Variants in ROS1 observed in about 807,000 individuals in gnomAD.
ROS1 encodes the protein proto-oncogene tyrosine-protein kinase ROS.
A neutral mutation model predicts 273.5 loss-of-function variants in ROS1; 263 were observed. That is an observed-to-expected ratio of 0.96 (90% CI 0.87 to 1.06). The LOEUF (loss-of-function observed/expected upper bound fraction) is 1.06, where lower values mean the gene tolerates loss of function less well. Ranked by LOEUF, ROS1 falls within the 50% of genes least tolerant of loss-of-function variation. The pLI, the probability that ROS1 is intolerant of heterozygous loss-of-function variation, is 0.00. For synonymous variants in ROS1, 1,008 were observed against 954.1 expected (o/e 1.06, Z -1.04); for missense variants, 2,833 against 2,751.1 (o/e 1.03, Z -0.67).
chr6:117,402,740 T>G (rs1774048059), intron 7 of ROS1, among the ~76,000 whole-genome samples: 1 of 151,656 alleles, frequency 6.6e-6, no homozygotes, highest in South Asian at 2.1e-4. Context: ...ATACAAAAAA[T>G]TAGCCAGGCA....
chr6:117,319,607 G>A (rs1026073274), intron 37 of ROS1, among the ~76,000 whole-genome samples: 1 of 152,232 alleles, frequency 6.6e-6, no homozygotes, highest in Admixed American at 6.5e-5. Flanking sequence ...CATGTTTGAA[G>A]AAAAATGATT....
At chr6:117,357,255 T>C (rs1012080884) in intron 25 of ROS1, among the ~76,000 whole-genome samples, 8 of 152,236 alleles carry the variant, frequency 5.3e-5, no homozygotes, top group Non-Finnish European at 1.2e-4. Flanking sequence ...CCTCCTCTCA[T>C]GTTTGTTTCT....
At chr6:117,376,639 G>A (rs529951588) in intron 18 of ROS1, among the ~76,000 whole-genome samples, 4 of 151,818 alleles carry the variant, frequency 2.6e-5, no homozygotes, top group African/African-American at 9.7e-5. Context: ...TTAGAAAATG[G>A]AATTTTAAAA....
Position 117,344,072 on chromosome 6 carries a change from T to C in ROS1, c.4494A>G (p.Lys1498=), listed in dbSNP as rs763927920. ...VNDRKNSSDL[K]YRILEFQDSI... ...GTTCCAATCTTACCAGAATTCTATATTTCAAGTCAGAGCTGTTTTTCCTGT... is the reference window on the plus strand; with the variant it reads ...GTTCCAATCTTACCAGAATTCTATACTTCAAGTCAGAGCTGTTTTTCCTGT... The change falls in exon 28 of 44, where the codon AAA becomes AAG. Residue 1498 remains lysine (K), a synonymous_variant. Coordinates refer to ENST00000368507, the MANE Select transcript of ROS1 (RefSeq NM_001378902.1). 1 of 1,612,958 alleles carries C rather than the reference T, an allele frequency of 6.2e-7. No homozygotes were observed. The highest frequency in any genetic ancestry group is 8.5e-7 in the Non-Finnish European group (1 of 1,178,988).
At chr6:117,351,203 C>T (rs1184864051) in intron 27 of ROS1, among the ~76,000 whole-genome samples, 3 of 152,096 alleles carry the variant, frequency 2.0e-5, no homozygotes, top group Non-Finnish European at 4.4e-5. Flanking sequence ...CTTTGCTTTT[C>T]GACTGTGAAC....
In ROS1 at chr6:117,414,378, T is replaced by G. The variant is rs898710357; in HGVS notation, c.255+141A>C. ...TGGAATTTTACAGTCATCTGTATAC[T>G]CAGAGTAATAACACTTTGAGGAAGA... On this transcript the variant is annotated intron_variant, in intron 4 of 43. Coordinates refer to ENST00000368507, the MANE Select transcript of ROS1 (RefSeq NM_001378902.1). 42 of 646,268 alleles carry G rather than the reference T, an allele frequency of 6.5e-5. 1 individual carries two copies. In the Admixed American group the frequency reaches 8.0e-4, roughly 12 times the overall value. The allele number at this position is 646,268 out of a possible 1,614,324, so 40.0% of individuals were successfully genotyped here.
chr6:117,323,960 T>C (rs918543710), intron 35 of ROS1, among the ~76,000 whole-genome samples: 1 of 152,174 alleles, frequency 6.6e-6, no homozygotes, highest in Non-Finnish European at 1.5e-5. Flanking sequence ...AATTCTATAC[T>C]TTTTTCTGTA....
intron 38 of ROS1, among the ~76,000 whole-genome samples, chr6:117,317,585 GT>G (rs1776007692): frequency 6.6e-6 from 1 of 152,056 alleles, no homozygotes; most frequent in South Asian, 2.1e-4. Context: ...AAAACATTGG[GT>G]TTTGGGTCAT....
At position 117,344,274 on chromosome 6, in the gene ROS1, A is replaced by G; in HGVS notation, c.4304-12T>C. On this transcript the variant is annotated splice_polypyrimidine_tract_variant and intron_variant, in intron 27 of 43. Coordinates refer to ENST00000368507, the MANE Select transcript of ROS1 (RefSeq NM_001378902.1). ...CAGAAACGCTTTATCTAAAATAAGA[A>G]GAAACCAAAAGATTAAATATCTATA... 6.3e-7 allele frequency: 1 copy of G among 1,589,402 alleles called. No homozygotes were observed.
Position 117,337,272 on chromosome 6 carries a change from G to T in ROS1, c.5130C>A (p.Ile1710=), listed in dbSNP as rs2128617110. The change falls in exon 32 of 44, where the codon ATC becomes ATA. Residue 1710 remains isoleucine (I), a synonymous_variant. Coordinates refer to ENST00000368507, the MANE Select transcript of ROS1 (RefSeq NM_001378902.1). Reference sequence around the variant, plus strand: ...ATGAAGTATAAGGTTGTAGATTTGTGATATTACAGACATAAGCAGGACCTT... The same window carrying T: ...ATGAAGTATAAGGTTGTAGATTTGTTATATTACAGACATAAGCAGGACCTT... The part of the protein sequence containing the change: ...CSQGPAYVCN[I]TNLQPYTSYN... 6.2e-7 allele frequency: 1 copy of T among 1,612,448 alleles called. No homozygotes were observed. Among genetic ancestry groups the T allele is most frequent in the South Asian group, 1.1e-5 (1 of 90,972 alleles).
chr6:117,416,723 C>A (rs1015274284), intron 2 of ROS1, among the ~76,000 whole-genome samples: 7 of 152,110 alleles, frequency 4.6e-5, no homozygotes, highest in Admixed American at 1.3e-4. Flanking sequence ...ACTGGTGATT[C>A]AACTAGATGG....
chr6:117,390,871 T>C (rs955654146), intron 12 of ROS1, among the ~76,000 whole-genome samples: 2 of 152,160 alleles, frequency 1.3e-5, no homozygotes, highest in African/African-American at 4.8e-5. Context: ...AAAGAAAACA[T>C]ACTGCCAAAA....
At chr6:117,361,076 A>C (rs1236226103) in intron 22 of ROS1, among the ~76,000 whole-genome samples, 1 of 152,160 alleles carries the variant, frequency 6.6e-6, no homozygotes, top group Non-Finnish European at 1.5e-5. Flanking sequence ...CAGGATACTA[A>C]TAAAGGTAAG....
chr6:117,385,328 G>C (rs1258919336), intron 16 of ROS1, among the ~76,000 whole-genome samples: 3 of 152,184 alleles, frequency 2.0e-5, no homozygotes, highest in African/African-American at 7.2e-5. Context: ...GCCGAGGCAG[G>C]CAGATCTCTT....
chr6:117,398,843 T>C lies in ROS1; in HGVS notation c.605-1727A>G, dbSNP rs138287652. Among the ~76,000 whole-genome samples the C allele has an allele frequency of 4.8e-3, 729 of 151,630 alleles. 8 individuals are homozygous for C. The highest frequency in any genetic ancestry group is 0.017 in the African/African-American group (697 of 41,338). On this transcript the variant is annotated intron_variant, in intron 7 of 43. Coordinates refer to ENST00000368507, the MANE Select transcript of ROS1 (RefSeq NM_001378902.1). Reference sequence around the variant, plus strand: ...CAAAAAGTAACCAGGCATGGTGGCATGCACCTGTAGTCCCAGCTACTCAGG... The same window carrying C: ...CAAAAAGTAACCAGGCATGGTGGCACGCACCTGTAGTCCCAGCTACTCAGG...
intron 18 of ROS1, among the ~76,000 whole-genome samples, chr6:117,374,221 C>T (rs1198586087): frequency 6.6e-6 from 1 of 152,308 alleles, no homozygotes; most frequent in Middle Eastern, 3.4e-3. Flanking sequence ...GGAGGCATCA[C>T]ATTACCTGAC....
intron 42 of ROS1, among the ~76,000 whole-genome samples, chr6:117,307,143 G>C (rs1331133166): frequency 6.6e-6 from 1 of 152,020 alleles, no homozygotes; most frequent in Non-Finnish European, 1.5e-5. Flanking sequence ...CCTTTAGATA[G>C]AGCAAAGTTC....
rs370269692 is a variant in ROS1 at position 117,319,984 on chromosome 6, G to T, written c.5806C>A (p.Arg1936=). 1.9e-6 allele frequency: 3 copies of T among 1,613,384 alleles called. No homozygotes were observed. Among genetic ancestry groups the T allele is most frequent in the Non-Finnish European group, 2.5e-6 (3 of 1,179,582 alleles). The change falls in exon 37 of 44, where the codon CGG becomes AGG. Residue 1936 remains arginine (R), a synonymous_variant. Transcript: ENST00000368507. ...AAGAGACGCAGAGTCAGTTTTTCCCGAGGGAAGGCAGGAAGATTTTCAATC... is the reference window on the plus strand; with the variant it reads ...AAGAGACGCAGAGTCAGTTTTTCCCTAGGGAAGGCAGGAAGATTTTCAATC... ...EEIENLPAFP[R]EKLTLRLLLG...
chr6:117,325,326 T>C (rs2128578496), intron 34 of ROS1, among the ~76,000 whole-genome samples: 1 of 152,078 alleles, frequency 6.6e-6, no homozygotes, highest in East Asian at 1.9e-4. Context: ...GGGCACAGGG[T>C]AGGTAGTGGG....
Sources: gnomAD v4.1 joint callset for allele counts (sites outside exome capture counted in the v4.1 genomes callset) on GRCh38, gnomAD v4.1.1 for gene constraint, MANE v1.5 for transcripts, NCBI Gene and HGNC (gene_info 2026-07-23, HGNC 2026-07-21) for gene names.